NKX2-2: variants seen among roughly 807,000 people sequenced by gnomAD.
NKX2-2 encodes NK2 homeobox 2, also known as homeobox protein Nkx-2.2.
NKX2-2 carries 8 observed loss-of-function variants against 24.6 expected under a neutral mutation model. The observed-to-expected ratio is 0.32, with a 90% confidence interval of 0.19 to 0.59. The LOEUF (loss-of-function observed/expected upper bound fraction) is 0.59. Among genes scored for constraint, NKX2-2 ranks in the 20% least tolerant of loss-of-function variants. The probability of loss-of-function intolerance (pLI) is 0.86; values close to 1 mark genes in which losing one functional copy is unlikely to be tolerated. For synonymous variants in NKX2-2, 217 were observed against 173.3 expected, an observed-to-expected ratio of 1.25 and a Z score of -1.98; for missense variants, 381 against 373.9, an observed-to-expected ratio of 1.02 and a Z score of -0.16.
Position 21,513,379 on chromosome 20 carries a change from C to A in NKX2-2, c.259+32G>T. 6.7e-7 allele frequency: 1 copy of A among 1,502,950 alleles called. No homozygotes were observed. The highest frequency in any genetic ancestry group is 8.9e-7 in the Non-Finnish European group (1 of 1,124,546). The allele number at this position is 1,502,950 out of a possible 1,614,324, so 93.1% of individuals were successfully genotyped here. ...CTGCGGCTGCAGGAATGGAGGGGACCACGGCCTCGGCAGCCAAGTTTTGCT... is the reference window on the plus strand; with the variant it reads ...CTGCGGCTGCAGGAATGGAGGGGACAACGGCCTCGGCAGCCAAGTTTTGCT... On this transcript the variant is annotated intron_variant, in intron 1 of 1. Coordinates refer to ENST00000377142, the MANE Select transcript of NKX2-2 (RefSeq NM_002509.4). The surrounding 1 kb of genome is among the most constrained non-coding windows in gnomAD (Gnocchi z 4.6).
chr20:21,519,816 G>T, the NKX2-2 span, among the ~76,000 whole-genome samples: 1 of 152,170 alleles, frequency 6.6e-6, no homozygotes, highest in Non-Finnish European at 1.5e-5. Context: ...CTGTGGGGTG[G>T]CAGAGTGGAG....
Position 21,512,082 on chromosome 20 carries a change from C to T in NKX2-2, c.663G>A (p.Gln221=). 6.2e-7 allele frequency: 1 copy of T among 1,613,868 alleles called. No individual in the cohort carries two copies. The highest frequency in any genetic ancestry group is 1.1e-5 in the South Asian group (1 of 91,086). Residue 221 remains glutamine (Q), a synonymous_variant, in exon 2 of 2, where the codon CAG becomes CAA. Transcript: ENST00000377142. The part of the protein sequence containing the change: ...DGKPCHALKA[Q]DLAAATFQAG... The stretch of plus-strand genomic sequence containing the variant: ...CCTGGAAGGTGGCGGCTGCCAGGTC[C>T]TGGGCTTTGAGCGCGTGACATGGTT...
upstream of NKX2-2, among the ~76,000 whole-genome samples, chr20:21,518,884 C>A (rs930938323): frequency 6.6e-6 from 1 of 152,224 alleles, no homozygotes; most frequent in African/African-American, 2.4e-5. Context: ...ATCCGACCCT[C>A]CCCCCATCCC....
At position 21,512,025 on chromosome 20, in the gene NKX2-2, C is replaced by T; in HGVS notation, c.720G>A (p.Gln240=). The part of the protein sequence containing the change: ...AGIPFSAYSA[Q]SLQHMQYNAQ... ...CGTTGTACTGCATGTGCTGCAGCGACTGCGCGCTGTAGGCAGAAAAGGGAA... is the reference window on the plus strand; with the variant it reads ...CGTTGTACTGCATGTGCTGCAGCGATTGCGCGCTGTAGGCAGAAAAGGGAA... The change falls in exon 2 of 2, where the codon CAG becomes CAA. Residue 240 remains glutamine, a synonymous_variant. Coordinates refer to ENST00000377142, the MANE Select transcript of NKX2-2 (RefSeq NM_002509.4). The T allele has an allele frequency of 6.2e-7, 1 of 1,613,624 alleles. No individual in the cohort carries two copies. The highest frequency in any genetic ancestry group is 1.3e-5 in the African/African-American group (1 of 75,052).
chr20:21,513,320 C>T lies in NKX2-2; in HGVS notation c.259+91G>A. On this transcript the variant is annotated intron_variant, in intron 1 of 1. Coordinates refer to ENST00000377142, the MANE Select transcript of NKX2-2 (RefSeq NM_002509.4). This position sits in a 1 kb window ranked among gnomAD's most constrained non-coding sequence, Gnocchi z 4.6. ...GTGAGGGGGTCCGGGCTTACATGGC[C>T]CCTTCCCCTTTCACTCCCAGCGTCC... The T allele has an allele frequency of 7.2e-7, 1 of 1,384,712 alleles. No individual in the cohort carries two copies. Among genetic ancestry groups the T allele is most frequent in the Non-Finnish European group, 9.6e-7 (1 of 1,037,740 alleles). The allele number at this position is 1,384,712 out of a possible 1,614,324, so 85.8% of individuals were successfully genotyped here. A position where few individuals can be genotyped will look rare whatever the true frequency, so the allele number is the denominator to read the frequency against.
the NKX2-2 span, among the ~76,000 whole-genome samples, chr20:21,521,526 A>T: frequency 1.2e-3 from 173 of 149,436 alleles, no homozygotes; most frequent in Non-Finnish European, 1.8e-3. Context: ...CCTGTCTGCG[A>T]CTCCCACCAC....
Position 21,513,628 on chromosome 20 carries a change from G to A in NKX2-2, c.42C>T (p.Asp14=). ...TNTKTGFSVK[D]ILDLPDTNDE... ...CGTTGGTGTCCGGCAGGTCTAAGATGTCCTTGACCGAAAACCCCGTCTTTG... is the reference window on the plus strand; with the variant it reads ...CGTTGGTGTCCGGCAGGTCTAAGATATCCTTGACCGAAAACCCCGTCTTTG... Residue 14 remains aspartate (D), a synonymous_variant, in exon 1 of 2, where the codon GAC becomes GAT. Coordinates refer to ENST00000377142, the MANE Select transcript of NKX2-2 (RefSeq NM_002509.4). This position sits in a 1 kb window ranked among gnomAD's most constrained non-coding sequence, Gnocchi z 4.6. The A allele has an allele frequency of 6.2e-7, 1 of 1,601,888 alleles. No individual in the cohort carries two copies. The highest frequency in any genetic ancestry group is 8.5e-7 in the Non-Finnish European group (1 of 1,175,784).
upstream of NKX2-2, among the ~76,000 whole-genome samples, chr20:21,516,660 C>T (rs1392426703): frequency 3.3e-5 from 5 of 152,172 alleles, no homozygotes; most frequent in South Asian, 6.2e-4. Flanking sequence ...TCCTCTTATT[C>T]CTCAGTCCTA....
At chr20:21,518,275 C>T (rs1980689701), upstream of NKX2-2, among the ~76,000 whole-genome samples, 3 of 152,146 alleles carry the variant, frequency 2.0e-5, no homozygotes, top group Admixed American at 6.5e-5. Flanking sequence ...CAGCTGGACC[C>T]CTCAACTCGA....
chr20:21,511,611 A>C lies in NKX2-2; in HGVS notation c.*312T>G. 7.7e-6 allele frequency: 2 copies of C among 259,480 alleles called. No individual in the cohort carries two copies. The highest frequency in any genetic ancestry group is 1.4e-5 in the Non-Finnish European group (2 of 139,418). The allele number at this position is 259,480 out of a possible 1,614,324, so 16.1% of individuals were successfully genotyped here. ...TTCAAGTGACGACATTAACGCTGGG[A>C]CGGTTTGGTCCCCCCGGGGAGAGGC... On this transcript the variant is annotated 3_prime_UTR_variant, in exon 2 of 2. Coordinates refer to ENST00000377142, the MANE Select transcript of NKX2-2 (RefSeq NM_002509.4).
At chr20:21,516,884 G>A (rs1388440033), upstream of NKX2-2, among the ~76,000 whole-genome samples, 1 of 152,166 alleles carries the variant, frequency 6.6e-6, no homozygotes, top group Non-Finnish European at 1.5e-5. Context: ...GAACCACCTC[G>A]CTGAAGTTCC....
In NKX2-2 at chr20:21,513,682, C is replaced by G; in HGVS notation, c.-13G>C. 7.5e-7 allele frequency: 1 copy of G among 1,337,750 alleles called. No homozygotes were observed. The highest frequency in any genetic ancestry group is 1.4e-5 in the South Asian group (1 of 72,754). The allele number at this position is 1,337,750 out of a possible 1,614,324, so 82.9% of individuals were successfully genotyped here. On this transcript the variant is annotated 5_prime_UTR_variant, in exon 1 of 2. Transcript: ENST00000377142. This position sits in a 1 kb window ranked among gnomAD's most constrained non-coding sequence, Gnocchi z 4.6. Reference sequence around the variant, plus strand: ...TGGTCAGCGACATGGTTCGAGACCCCAAAATTTATGTCGCAAAGTTGTAGC... The same window carrying G: ...TGGTCAGCGACATGGTTCGAGACCCGAAAATTTATGTCGCAAAGTTGTAGC...
In NKX2-2 at chr20:21,512,481, G is replaced by C. The variant is rs776644667; in HGVS notation, c.264C>G (p.His88Gln). 2 of 1,563,512 alleles carry C rather than the reference G, an allele frequency of 1.3e-6. No homozygotes were observed. Among genetic ancestry groups the C allele is most frequent in the East Asian group, 2.3e-5 (1 of 44,044 alleles). The change falls in exon 2 of 2, where the codon CAC (histidine) becomes CAG (glutamine). Residue 88 changes from histidine to glutamine, a missense_variant. By Grantham distance (24) the His-to-Gln change is conservative. Around this residue, in one of 3 missense-constraint regions of NKX2-2, gnomAD observed 206 missense variants for 173.1 expected, o/e 1.19. Transcript: ENST00000377142. ...GAGGGGGCGCCCCGGCAGCCAGACCGTGCACTGGGGGGAGGGGGAGAGAGA... is the reference window on the plus strand; with the variant it reads ...GAGGGGGCGCCCCGGCAGCCAGACCCTGCACTGGGGGGAGGGGGAGAGAGA... ...ASTEGLQYSLHGLAAGAPPQD... is the reference protein window; with the variant it reads ...ASTEGLQYSLQGLAAGAPPQD...
chr20:21,515,083 C>T (rs1980592129), upstream of NKX2-2, among the ~76,000 whole-genome samples: 2 of 152,106 alleles, frequency 1.3e-5, no homozygotes, highest in South Asian at 2.1e-4. Flanking sequence ...GGAGCTCCAA[C>T]TTCGTCTGGG....
Position 21,511,417 on chromosome 20 carries a change from A to G in NKX2-2, c.*506T>C, listed in dbSNP as rs568059760. Reference sequence around the variant, plus strand: ...CAGTTGTCAGAACGTTTACATGGCCATAAATATTTAGCATTTTCTTATTTT... The same window carrying G: ...CAGTTGTCAGAACGTTTACATGGCCGTAAATATTTAGCATTTTCTTATTTT... On this transcript the variant is annotated 3_prime_UTR_variant, in exon 2 of 2. Coordinates refer to ENST00000377142, the MANE Select transcript of NKX2-2 (RefSeq NM_002509.4). 1 of 152,826 alleles carries G rather than the reference A, an allele frequency of 6.5e-6. No individual in the cohort carries two copies. Among genetic ancestry groups the G allele is most frequent in the East Asian group, 1.9e-4 (1 of 5,190 alleles). 9.5% of individuals were successfully genotyped at this position (152,826 alleles called of 1,614,324 possible). A position where few individuals can be genotyped will look rare whatever the true frequency, so the allele number is the denominator to read the frequency against.
At chr20:21,514,517 G>A (rs1023842991), upstream of NKX2-2, among the ~76,000 whole-genome samples, 2 of 152,080 alleles carry the variant, frequency 1.3e-5, no homozygotes, top group Admixed American at 6.5e-5. Flanking sequence ...GGGTGGGGAG[G>A]AGGAGGGGAG....
chr20:21,519,555 G>A, the NKX2-2 span, among the ~76,000 whole-genome samples: 1 of 152,188 alleles, frequency 6.6e-6, no homozygotes, highest in Admixed American at 6.5e-5. Context: ...CGATAAAGAC[G>A]TTCACCTTAA....
Position 21,513,760 on chromosome 20 carries a change from G to A in NKX2-2, c.-91C>T. 1 of 472,008 alleles carries A rather than the reference G, an allele frequency of 2.1e-6. No homozygotes were observed. Among genetic ancestry groups the A allele is most frequent in the South Asian group, 2.8e-5 (1 of 36,324 alleles). 29.2% of individuals were successfully genotyped at this position (472,008 alleles called of 1,614,324 possible). A position where few individuals can be genotyped will look rare whatever the true frequency, so the allele number is the denominator to read the frequency against. On this transcript the variant is annotated 5_prime_UTR_variant, in exon 1 of 2. Coordinates refer to ENST00000377142, the MANE Select transcript of NKX2-2 (RefSeq NM_002509.4). This position sits in a 1 kb window ranked among gnomAD's most constrained non-coding sequence, Gnocchi z 4.6. Reference sequence around the variant, plus strand: ...CTGCCCCGGCGGGCGGGGGAGGGGGGAGTTGGGGGGAGGGACTGGGGGAGG... The same window carrying A: ...CTGCCCCGGCGGGCGGGGGAGGGGGAAGTTGGGGGGAGGGACTGGGGGAGG...
At chr20:21,514,888 C>T, upstream of NKX2-2, among the ~76,000 whole-genome samples, 1 of 152,246 alleles carries the variant, frequency 6.6e-6, no homozygotes, top group East Asian at 1.9e-4. Flanking sequence ...CGGCCAGAGC[C>T]ACCACCAAGC....
Sources: gnomAD v4.1 joint callset for allele counts (sites outside exome capture counted in the v4.1 genomes callset) on GRCh38, gnomAD v4.1.1 for gene constraint, gnomAD v4.1.1 regional missense constraint, Gnocchi (gnomAD v3.1) non-coding constraint, MANE v1.5 for transcripts, NCBI Gene and HGNC (gene_info 2026-07-23, HGNC 2026-07-21) for gene names.